CNTN4: variants seen among roughly 807,000 people sequenced by gnomAD.
CNTN4 encodes contactin-4.
CNTN4 carries 77 observed loss-of-function variants against 122.5 expected under a neutral mutation model. That is an observed-to-expected ratio of 0.63 (90% confidence interval 0.52 to 0.76). CNTN4 has a LOEUF of 0.76. Ranked by LOEUF, CNTN4 falls within the 30% of genes least tolerant of loss-of-function variation. The pLI is 0.00. For missense variants in CNTN4, 1,256 were observed against 1,259.1 expected (o/e 1.00, Z 0.04); for synonymous variants, 512 against 447.0 (o/e 1.15, Z -1.83).
At chr3:3,017,278 T>A (rs937610651) in intron 14 of CNTN4, among the ~76,000 whole-genome samples, 1 of 152,196 alleles carries the variant, frequency 6.6e-6, no homozygotes, top group African/African-American at 2.4e-5. Flanking sequence ...AATTCTCAAT[T>A]CACAGACATA....
intron 6 of CNTN4, among the ~76,000 whole-genome samples, chr3:2,785,398 C>T (rs533441071): frequency 6.6e-6 from 1 of 152,230 alleles, no homozygotes; most frequent in East Asian, 1.9e-4. Flanking sequence ...CTTCCTCTTT[C>T]ATTCTACTCA....
chr3:2,842,313 C>T (rs1463642471), intron 7 of CNTN4, among the ~76,000 whole-genome samples: 3 of 152,184 alleles, frequency 2.0e-5, no homozygotes, highest in African/African-American at 4.8e-5. Context: ...GTGTTTCCCA[C>T]TCAACCCAAA....
At chr3:2,294,450 G>A (rs1282992380) in intron 2 of CNTN4, among the ~76,000 whole-genome samples, 1 of 152,026 alleles carries the variant, frequency 6.6e-6, no homozygotes, top group Non-Finnish European at 1.5e-5. Context: ...GGACAACATG[G>A]CGAAACCCAG....
intron 2 of CNTN4, among the ~76,000 whole-genome samples, chr3:2,218,706 C>G (rs1235652670): frequency 1.3e-5 from 2 of 152,116 alleles, no homozygotes; most frequent in Non-Finnish European, 2.9e-5. Flanking sequence ...TTCCCTGATA[C>G]AAATGTGGAG....
At position 2,385,716 on chromosome 3, in the gene CNTN4, A is replaced by C. The variant is rs760289935; in HGVS notation, c.-89+46483A>C. 3.3e-5 allele frequency among the ~76,000 whole-genome samples: 5 copies of C among 151,992 alleles called. No individual in the cohort carries two copies. The highest frequency in any genetic ancestry group is 5.9e-5 in the Non-Finnish European group (4 of 68,018). Reference sequence around the variant, plus strand: ...CATTCCCTGTATGCCTGTGTGTTCAAATTTTTTCCTCTTCTCATAAGGACA... The same window carrying C: ...CATTCCCTGTATGCCTGTGTGTTCACATTTTTTCCTCTTCTCATAAGGACA... On this transcript the variant is annotated intron_variant, in intron 3 of 24. Transcript: ENST00000418658. This position sits in a 1 kb window ranked among gnomAD's most constrained non-coding sequence, Gnocchi z 4.0.
At chr3:2,474,337 C>G (rs1162919982) in intron 3 of CNTN4, among the ~76,000 whole-genome samples, 1 of 152,146 alleles carries the variant, frequency 6.6e-6, no homozygotes, top group Non-Finnish European at 1.5e-5. Flanking sequence ...TTCTTGAACA[C>G]TCAATAAACT....
At chr3:2,832,376 G>T (rs2093123887) in intron 7 of CNTN4, among the ~76,000 whole-genome samples, 1 of 152,140 alleles carries the variant, frequency 6.6e-6, no homozygotes, top group Non-Finnish European at 1.5e-5. Flanking sequence ...GGAGGAGCGG[G>T]GTAATGAAAT....
intron 6 of CNTN4, among the ~76,000 whole-genome samples, chr3:2,770,035 GTT>G (rs879861029): frequency 0.013 from 448 of 34,130 alleles, 4 homozygotes; most frequent in African/African-American, 0.037. Context: ...TTGTTTGTTT[GTT>G]TTTTTTTTTT....
chr3:2,547,115 A>G (rs1031838260), intron 3 of CNTN4, among the ~76,000 whole-genome samples: 26 of 150,232 alleles, frequency 1.7e-4, no homozygotes, highest in African/African-American at 6.0e-4. Context: ...GGGAGAAATT[A>G]GCAAAAACTC....
chr3:2,863,209 T>A (rs191813925), intron 7 of CNTN4, among the ~76,000 whole-genome samples: 28 of 152,282 alleles, frequency 1.8e-4, no homozygotes, highest in African/African-American at 6.7e-4. Context: ...ATATTCCAGG[T>A]GGTGATATTT....
chr3:2,267,499 T>C (rs1328729182), intron 2 of CNTN4, among the ~76,000 whole-genome samples: 1 of 152,122 alleles, frequency 6.6e-6, no homozygotes, highest in Non-Finnish European at 1.5e-5. Context: ...GTTTCACGGT[T>C]CTACAGTATT....
At chr3:2,353,423 T>C (rs1180517935) in intron 3 of CNTN4, among the ~76,000 whole-genome samples, 1 of 152,124 alleles carries the variant, frequency 6.6e-6, no homozygotes, top group African/African-American at 2.4e-5. Flanking sequence ...CCCTTCCACA[T>C]TGTGGAAGCT....
At chr3:2,553,437 A>G (rs2078596771) in intron 3 of CNTN4, among the ~76,000 whole-genome samples, 1 of 152,212 alleles carries the variant, frequency 6.6e-6, no homozygotes. Context: ...TCTCAAGAAC[A>G]AGAATATGGA....
intron 5 of CNTN4, among the ~76,000 whole-genome samples, 157 bp from the exon 6 acceptor site, chr3:2,745,365 C>G (rs770628663): frequency 6.6e-6 from 1 of 152,144 alleles, no homozygotes; most frequent in Admixed American, 6.5e-5. Flanking sequence ...TAAGATGTCA[C>G]CATTGCTGGG....
At chr3:3,016,126 T>G (rs1697735061) in intron 14 of CNTN4, among the ~76,000 whole-genome samples, 1 of 152,216 alleles carries the variant, frequency 6.6e-6, no homozygotes, top group African/African-American at 2.4e-5. Context: ...TTATGATTCT[T>G]TTTTATCTTC....
At chr3:2,126,021 G>T (rs370345437) in intron 2 of CNTN4, among the ~76,000 whole-genome samples, 1 of 151,910 alleles carries the variant, frequency 6.6e-6, no homozygotes, top group African/African-American at 2.4e-5. Flanking sequence ...TTGTCACTCT[G>T]TTATACTAAA....
At chr3:2,718,236 GGT>G (rs1491101797) in intron 4 of CNTN4, among the ~76,000 whole-genome samples, 1 of 102,840 alleles carries the variant, frequency 9.7e-6, no homozygotes, top group South Asian at 3.2e-4. Flanking sequence ...ACATTTTCTT[GGT>G]TTTTTTTTTA....
intron 3 of CNTN4, among the ~76,000 whole-genome samples, chr3:2,521,352 C>CG (rs61070664): frequency 3.1e-5 from 1 of 32,640 alleles, no homozygotes; most frequent in Admixed American, 3.5e-4. Flanking sequence ...ATCCCCCCCA[C>CG]CCCCCGCAAT....
rs560463887 is a variant in CNTN4 at position 2,100,827 on chromosome 3, T to C, written c.-145+188T>C. 8.5e-5 allele frequency among the ~76,000 whole-genome samples: 13 copies of C among 152,268 alleles called. No homozygotes were observed. In the South Asian group the frequency reaches 2.7e-3, roughly 32 times the overall value. Reference sequence around the variant, plus strand: ...AGCTGGTTTCAACTGCTCTGTCTTGTTGAGGAGAGATGATGCTGATAAACG... The same window carrying C: ...AGCTGGTTTCAACTGCTCTGTCTTGCTGAGGAGAGATGATGCTGATAAACG... On this transcript the variant is annotated intron_variant, in intron 2 of 24. Transcript: ENST00000418658.
Sources: allele counts gnomAD v4.1 joint callset (sites outside exome capture counted in the v4.1 genomes callset), GRCh38; gene constraint gnomAD v4.1.1; non-coding constraint Gnocchi (gnomAD v3.1); transcripts MANE v1.5; gene names NCBI Gene and HGNC (gene_info 2026-07-23, HGNC 2026-07-21).